PLEKHG4B: variants seen among roughly 807,000 people sequenced by gnomAD.
PLEKHG4B encodes pleckstrin homology domain-containing family G member 4B.
In PLEKHG4B, 111 loss-of-function variants were observed where a neutral mutation model predicts 121.3. The ratio of observed to expected loss-of-function variants is 0.92; its 90% CI spans 0.78 to 1.07. The LOEUF (loss-of-function observed/expected upper bound fraction) is 1.07, where lower values mean the gene tolerates loss of function less well. PLEKHG4B is among the 50% of genes least tolerant of loss of function. The pLI, the probability that PLEKHG4B is intolerant of heterozygous loss-of-function variation, is 0.00. For missense variants in PLEKHG4B, 1,831 were observed against 1,757.8 expected (o/e 1.04, Z -0.74); for synonymous variants, 738 against 725.0 (o/e 1.02, Z -0.29).
chr5:116,541 A>G (rs913458237), intron 2 of PLEKHG4B, among the ~76,000 whole-genome samples: 1 of 152,230 alleles, frequency 6.6e-6, no homozygotes, highest in Non-Finnish European at 1.5e-5. Flanking sequence ...CACTTAATGA[A>G]TTTATTGTAT....
chr5:170,186 A>T (rs1027458729), intron 14 of PLEKHG4B, among the ~76,000 whole-genome samples: 3 of 152,264 alleles, frequency 2.0e-5, no homozygotes, highest in African/African-American at 7.2e-5. Flanking sequence ...GGCTTTCAAC[A>T]GGCATTCACT....
In PLEKHG4B at chr5:189,891, C is replaced by T. The variant is rs765638414; in HGVS notation, c.*7568C>T. On this transcript the variant is annotated 3_prime_UTR_variant, in exon 20 of 20. Coordinates refer to ENST00000637938, the MANE Select transcript of PLEKHG4B (RefSeq NM_052909.5). ...GGTGTCTGGGAAATGGCGTTACCTGCCACTGTTGTTAAGTGTTTACTTTGT... is the reference window on the plus strand; with the variant it reads ...GGTGTCTGGGAAATGGCGTTACCTGTCACTGTTGTTAAGTGTTTACTTTGT... The T allele has an allele frequency of 1.3e-5, 2 of 152,242 alleles. No individual in the cohort carries two copies. Among genetic ancestry groups the T allele is most frequent in the African/African-American group, 2.4e-5 (1 of 41,456 alleles). The allele number at this position is 152,242 out of a possible 1,614,324, so 9.4% of individuals were successfully genotyped here. A position where few individuals can be genotyped will look rare whatever the true frequency, so the allele number is the denominator to read the frequency against.
intron 9 of PLEKHG4B, among the ~76,000 whole-genome samples, chr5:155,779 T>A (rs771104253): frequency 2.0e-5 from 3 of 152,202 alleles, no homozygotes; most frequent in Non-Finnish European, 2.9e-5. Flanking sequence ...CCGCCAGGTC[T>A]AGGGGCCCAG....
At chr5:127,631 G>A (rs1235828295) in intron 2 of PLEKHG4B, among the ~76,000 whole-genome samples, 3 of 152,014 alleles carry the variant, frequency 2.0e-5, no homozygotes, top group Non-Finnish European at 2.9e-5. Context: ...GGTAGGTGGC[G>A]GCCGAACAGT....
At chr5:124,869 C>T (rs1268437390) in intron 2 of PLEKHG4B, among the ~76,000 whole-genome samples, 1 of 152,098 alleles carries the variant, frequency 6.6e-6, no homozygotes. Flanking sequence ...TGTGGTGGCT[C>T]ACACCTGTAA....
chr5:170,546 C>T (rs773424501), intron 14 of PLEKHG4B, among the ~76,000 whole-genome samples: 8 of 152,202 alleles, frequency 5.3e-5, no homozygotes, highest in Non-Finnish European at 1.2e-4. Context: ...CTGATCCACC[C>T]GCTTCAGCCT....
chr5:121,646 A>G (rs1386313472), intron 2 of PLEKHG4B, among the ~76,000 whole-genome samples: 1 of 152,224 alleles, frequency 6.6e-6, no homozygotes, highest in African/African-American at 2.4e-5. Flanking sequence ...GGGAACAGTA[A>G]GAATGACCGA....
At chr5:122,275 A>G (rs1279904903) in intron 2 of PLEKHG4B, among the ~76,000 whole-genome samples, 1 of 152,178 alleles carries the variant, frequency 6.6e-6, no homozygotes, top group East Asian at 1.9e-4. Context: ...AAGATGATAG[A>G]TTTGATTCAA....
intron 6 of PLEKHG4B, among the ~76,000 whole-genome samples, chr5:146,617 A>T (rs1390401647): frequency 9.6e-5 from 2 of 20,738 alleles, no homozygotes; most frequent in Non-Finnish European, 1.9e-4. Flanking sequence ...CTCTCCCCCA[A>T]CCCTGCAGTT....
In PLEKHG4B at chr5:189,093, C is replaced by G. The variant is rs781157898; in HGVS notation, c.*6770C>G. 2.0e-5 allele frequency: 3 copies of G among 152,366 alleles called. No homozygotes were observed. Among genetic ancestry groups the G allele is most frequent in the Admixed American group, 6.5e-5 (1 of 15,292 alleles). 9.4% of individuals were successfully genotyped at this position (152,366 alleles called of 1,614,324 possible). ...TGCGCACACCGATGGTCAGCATTGC[C>G]GTTCGGGGCCTGCAGTCGCCCATAA... On this transcript the variant is annotated 3_prime_UTR_variant, in exon 20 of 20. Coordinates refer to ENST00000637938, the MANE Select transcript of PLEKHG4B (RefSeq NM_052909.5).
rs150323249 is a variant in PLEKHG4B, at chr5:148,050, C to G, written c.1905+3130C>G. 2.8e-3 allele frequency among the ~76,000 whole-genome samples: 419 copies of G among 152,082 alleles called. 4 individuals carry two copies. Among genetic ancestry groups the G allele is most frequent in the African/African-American group, 9.5e-3 (396 of 41,494 alleles). On this transcript the variant is annotated intron_variant, in intron 6 of 19. Transcript: ENST00000637938. ...CAACATCTTTCATGATGAAAGCACT[C>G]AATATACTAGAAATAGAAGGAAACT...
intron 2 of PLEKHG4B, among the ~76,000 whole-genome samples, chr5:118,508 CTT>C (rs1734371461): frequency 6.6e-6 from 1 of 152,148 alleles, no homozygotes; most frequent in South Asian, 2.1e-4. Flanking sequence ...TGTATGATCT[CTT>C]TGTGTTATTT....
chr5:148,931 T>C (rs1035535915), intron 6 of PLEKHG4B, among the ~76,000 whole-genome samples: 2 of 152,326 alleles, frequency 1.3e-5, no homozygotes, highest in Non-Finnish European at 1.5e-5. Context: ...TATACATAAA[T>C]GATTTTTGAA....
intron 18 of PLEKHG4B, among the ~76,000 whole-genome samples, 181 bp from the exon 19 acceptor site, chr5:181,333 T>C (rs1222778792): frequency 1.3e-5 from 2 of 152,146 alleles, no homozygotes; most frequent in Non-Finnish European, 2.9e-5. Context: ...ATCTCTTTGG[T>C]GCCGAAAACC....
chr5:139,704 T>C lies in PLEKHG4B; in HGVS notation c.465T>C (p.Tyr155=), dbSNP rs1168410773. 2.5e-6 allele frequency: 1 copy of C among 398,892 alleles called. No individual in the cohort carries two copies. Among genetic ancestry groups the C allele is most frequent in the African/African-American group, 2.1e-5 (1 of 48,728 alleles). The allele number at this position is 398,892 out of a possible 1,614,324, so 24.7% of individuals were successfully genotyped here. The change falls in exon 3 of 20, where the codon TAT becomes TAC. Residue 155 remains tyrosine (Y), a synonymous_variant. Coordinates refer to ENST00000637938, the MANE Select transcript of PLEKHG4B (RefSeq NM_052909.5). The surrounding 1 kb of genome is among the most constrained non-coding windows in gnomAD (Gnocchi z 5.0). Reference sequence around the variant, plus strand: ...AAGTCACCGTCCCTGAGGCCATGTATGGCTGTGTCTTCACGGGGGCGTTCC... The same window carrying C: ...AAGTCACCGTCCCTGAGGCCATGTACGGCTGTGTCTTCACGGGGGCGTTCC... ...TEEVTVPEAM[Y]GCVFTGAFLE... is the part of the protein sequence containing the mutation.
intron 13 of PLEKHG4B, among the ~76,000 whole-genome samples, chr5:168,348 T>G (rs754332457): frequency 5.3e-5 from 8 of 152,160 alleles, no homozygotes; most frequent in Non-Finnish European, 1.2e-4. Context: ...TGGGCCGTCC[T>G]GCGCCCCCGG....
chr5:154,867 C>T lies in PLEKHG4B; in HGVS notation c.1993-8C>T. On this transcript the variant is annotated splice_region_variant and splice_polypyrimidine_tract_variant and intron_variant, in intron 7 of 19. Coordinates refer to ENST00000637938, the MANE Select transcript of PLEKHG4B (RefSeq NM_052909.5). The stretch of plus-strand genomic sequence containing the variant: ...GAGCCATGACCAACGAGTGCCTCTT[C>T]TTGGCAGTGTGAGGTCGTGAGCTCC... 6.2e-7 allele frequency: 1 copy of T among 1,611,238 alleles called. No individual in the cohort carries two copies. Among genetic ancestry groups the T allele is most frequent in the Non-Finnish European group, 8.5e-7 (1 of 1,177,744 alleles).
Position 140,549 on chromosome 5 carries a change from C to T in PLEKHG4B, c.1310C>T (p.Ser437Phe). 2 of 1,604,478 alleles carry T rather than the reference C, an allele frequency of 1.2e-6. No individual in the cohort carries two copies. The highest frequency in any genetic ancestry group is 1.7e-6 in the Non-Finnish European group (2 of 1,176,124). The change falls in exon 3 of 20, where the codon TCT becomes TTT. Residue 437 changes from serine to phenylalanine, a missense_variant. Transcript: ENST00000637938. The part of the protein sequence containing the change: ...GAAGRTLPRR[S>F]RSWERAPRSS... ...GCAGGGCGGACTCTTCCCAGGAGATCTCGGTCCTGGGAAAGGGCACCCAGA... is the reference window on the plus strand; with the variant it reads ...GCAGGGCGGACTCTTCCCAGGAGATTTCGGTCCTGGGAAAGGGCACCCAGA...
At position 140,365 on chromosome 5, in the gene PLEKHG4B, C is replaced by T. The variant is rs759048646; in HGVS notation, c.1126C>T (p.Leu376=). The change falls in exon 3 of 20, where the codon CTG becomes TTG. Residue 376 remains leucine, a synonymous_variant. Transcript: ENST00000637938. ...CAGCTCTGAGGAGGCCCTCGGGGAC[C>T]TGGCCTGCAGCTCCCTGACTGGAGC... The part of the protein sequence containing the change: ...LGSSEEALGD[L]ACSSLTGASR... 2 of 1,551,986 alleles carry T rather than the reference C, an allele frequency of 1.3e-6. No homozygotes were observed. Among genetic ancestry groups the T allele is most frequent in the Non-Finnish European group, 8.7e-7 (1 of 1,148,772 alleles).
Sources: gnomAD v4.1 joint callset for allele counts (sites outside exome capture counted in the v4.1 genomes callset) on GRCh38, gnomAD v4.1.1 for gene constraint, Gnocchi (gnomAD v3.1) non-coding constraint, MANE v1.5 for transcripts, NCBI Gene and HGNC (gene_info 2026-07-23, HGNC 2026-07-21) for gene names.